Variants in CXCL9 observed in about 807,000 individuals in gnomAD.
The protein encoded by CXCL9 is C-X-C motif chemokine ligand 9.
In CXCL9, 8 loss-of-function variants were observed where a neutral mutation model predicts 11.7. The ratio of observed to expected loss-of-function variants is 0.68; its 90% CI spans 0.40 to 1.23. The LOEUF (loss-of-function observed/expected upper bound fraction) is 1.23, where lower values mean the gene tolerates loss of function less well. CXCL9 is among the 50% of genes most tolerant of loss of function. The probability of loss-of-function intolerance (pLI) is 0.01; values close to 1 mark genes in which losing one functional copy is unlikely to be tolerated. For missense variants in CXCL9, 133 were observed against 141.7 expected (o/e 0.94, Z 0.31); for synonymous variants, 43 against 48.2 (o/e 0.89, Z 0.45).
chr4:76,006,065 C>A, intron 2 of CXCL9, 83 bp downstream of exon 2: 1 of 1,297,314 alleles, frequency 7.7e-7, no homozygotes, highest in Non-Finnish European at 1.1e-6. Context: ...TTTGTATGGG[C>A]AAGCACTCCA....
chr4:76,007,375 G>A lies in CXCL9; in HGVS notation c.64+11C>T, dbSNP rs758033522. On this transcript the variant is annotated intron_variant, in intron 1 of 3. Coordinates refer to ENST00000264888, the MANE Select transcript of CXCL9 (RefSeq NM_002416.3). The stretch of plus-strand genomic sequence containing the variant: ...TTCTCTTACTTTACAACCTAACTCA[G>A]AACCCCTTACCTTGCACTCCAATCA... 3.5e-5 allele frequency: 52 copies of A among 1,506,000 alleles called. No individual in the cohort carries two copies. Among genetic ancestry groups the A allele is most frequent in the Admixed American group, 6.7e-5 (4 of 59,856 alleles). 93.3% of individuals were successfully genotyped at this position (1,506,000 alleles called of 1,614,324 possible).
In CXCL9 at chr4:76,003,652, CTTT is replaced by C. The variant is rs770761582; in HGVS notation, c.321_323del (p.Lys109del). 7.4e-6 allele frequency: 12 copies of C among 1,612,654 alleles called. No homozygotes were observed. The highest frequency in any genetic ancestry group is 9.3e-6 in the Non-Finnish European group (11 of 1,179,436). On this transcript the variant is annotated inframe_deletion, in exon 4 of 4. Coordinates refer to ENST00000264888, the MANE Select transcript of CXCL9 (RefSeq NM_002416.3). ...GAGATTTTCGAACTTTCAGAACTTT[CTTT>C]TTTTGATGTTTTTTCCCATTCTTTT...
Position 76,002,543 on chromosome 4 carries a change from A to T in CXCL9, c.*1055T>A, listed in dbSNP as rs1172439030. On this transcript the variant is annotated 3_prime_UTR_variant, in exon 4 of 4. Transcript: ENST00000264888. ...TGCCCATAACAACATCAATTAAAAA[A>T]TTATTAAAACCTAGTTCCACAGTAT... The T allele has an allele frequency of 1.0e-5, 4 of 393,910 alleles. No individual in the cohort carries two copies. The highest frequency in any genetic ancestry group is 1.8e-5 in the Non-Finnish European group (4 of 223,750). The allele number at this position is 393,910 out of a possible 1,614,324, so 24.4% of individuals were successfully genotyped here. A position where few individuals can be genotyped will look rare whatever the true frequency, so the allele number is the denominator to read the frequency against.
chr4:76,007,048 G>C (rs1731599773), intron 1 of CXCL9, among the ~76,000 whole-genome samples: 1 of 152,080 alleles, frequency 6.6e-6, no homozygotes, highest in Non-Finnish European at 1.5e-5. Flanking sequence ...ATTATTGGTT[G>C]GATCCTTAAT....
chr4:76,001,863 G>C lies in CXCL9; in HGVS notation c.*1735C>G, dbSNP rs190434490. 49 of 169,354 alleles carry C rather than the reference G, an allele frequency of 2.9e-4. No homozygotes were observed. In the East Asian group the frequency reaches 7.4e-3, roughly 26 times the overall value. 10.5% of individuals were successfully genotyped at this position (169,354 alleles called of 1,614,324 possible). On this transcript the variant is annotated 3_prime_UTR_variant, in exon 4 of 4. Coordinates refer to ENST00000264888, the MANE Select transcript of CXCL9 (RefSeq NM_002416.3). ...GATTCAATTTGGGAAAGTGAGTATA[G>C]GTTTAAATTCTGGCCACAGACAACC...
In CXCL9 at chr4:76,007,013, AAATAG is replaced by A. The variant is rs374973802; in HGVS notation, c.64+368_64+372del. Among the ~76,000 whole-genome samples the A allele has an allele frequency of 3.9e-5, 6 of 152,350 alleles. No individual in the cohort carries two copies. The East Asian group carries it at 1.2e-3, about 29-fold the overall frequency. ...GTCCAAGGTAACAAAGATAGTTAGTAAATAGATTAGGGACAAATTCTCTGATTATT... is the reference window on the plus strand; with the variant it reads ...GTCCAAGGTAACAAAGATAGTTAGTAATTAGGGACAAATTCTCTGATTATT... On this transcript the variant is annotated intron_variant, in intron 1 of 3. Coordinates refer to ENST00000264888, the MANE Select transcript of CXCL9 (RefSeq NM_002416.3).
At chr4:76,003,815 A>G in intron 3 of CXCL9, 116 bp from the exon 4 acceptor site, 2 of 650,808 alleles carry the variant, frequency 3.1e-6, no homozygotes, top group Non-Finnish European at 5.4e-6. Flanking sequence ...ACCACATTAA[A>G]GTCACTTCAC....
chr4:76,006,922 G>A (rs184824889), intron 1 of CXCL9, among the ~76,000 whole-genome samples: 1 of 152,154 alleles, frequency 6.6e-6, no homozygotes. Context: ...GTCAGAAAAG[G>A]TATAACTACA....
rs1371999085 is a variant in CXCL9 at position 76,003,478 on chromosome 4, T to G, written c.*120A>C. 1 of 589,478 alleles carries G rather than the reference T, an allele frequency of 1.7e-6. No homozygotes were observed. Among genetic ancestry groups the G allele is most frequent in the Non-Finnish European group, 3.0e-6 (1 of 337,892 alleles). The allele number at this position is 589,478 out of a possible 1,614,324, so 36.5% of individuals were successfully genotyped here. The stretch of plus-strand genomic sequence containing the variant: ...TTAGTTACAATTTCAGAGTAATGTT[T>G]TAAATTTTCTAGTCAAATTAATAAG... On this transcript the variant is annotated 3_prime_UTR_variant, in exon 4 of 4. Transcript: ENST00000264888.
intron 3 of CXCL9, 38 bp downstream of exon 3, chr4:76,004,771 C>A: frequency 6.3e-7 from 1 of 1,581,848 alleles, no homozygotes; most frequent in South Asian, 1.2e-5. Flanking sequence ...AAGTTAATTT[C>A]TAAAAGAAAG....
In CXCL9 at chr4:76,006,327, A is replaced by G. The variant is rs941031973; in HGVS notation, c.65-53T>C. ...TCAGTATAGGCCAATGTTTCAGTTTAGGTGATCTATCAAAATGATACACTT... is the reference window on the plus strand; with the variant it reads ...TCAGTATAGGCCAATGTTTCAGTTTGGGTGATCTATCAAAATGATACACTT... On this transcript the variant is annotated intron_variant, in intron 1 of 3. Coordinates refer to ENST00000264888, the MANE Select transcript of CXCL9 (RefSeq NM_002416.3). 94 of 1,552,562 alleles carry G rather than the reference A, an allele frequency of 6.1e-5. 1 individual carries two copies. In the Middle Eastern group the frequency reaches 1.7e-3, roughly 28 times the overall value.
chr4:76,004,341 T>A (rs1161682718), intron 3 of CXCL9, among the ~76,000 whole-genome samples: 1 of 152,156 alleles, frequency 6.6e-6, no homozygotes, highest in East Asian at 1.9e-4. Context: ...AAGACCCAAA[T>A]CAAATATCAC....
rs1360779757 is a variant in CXCL9, at chr4:76,003,675, T to G, written c.301A>C (p.Asn101His). 1 of 1,610,926 alleles carries G rather than the reference T, an allele frequency of 6.2e-7. No individual in the cohort carries two copies. The highest frequency in any genetic ancestry group is 2.2e-5 in the East Asian group (1 of 44,848). Residue 101 changes from asparagine to histidine, a missense_variant, in exon 4 of 4, where the codon AAT (asparagine) becomes CAT (histidine). By Grantham distance (68) the Asn-to-His change is moderately conservative (BLOSUM62 1). Coordinates refer to ENST00000264888, the MANE Select transcript of CXCL9 (RefSeq NM_002416.3). ...TTCTTTTTTTGATGTTTTTTCCCAT[T>G]CTTTTGCTTTTTCTTTTGGCTGACC... ...KQVSQKKKQK[N>H]GKKHQKKKVL...
chr4:76,005,079 G>A (rs1731559901), intron 2 of CXCL9, 186 bp from the exon 3 acceptor site: 9 of 954,572 alleles, frequency 9.4e-6, no homozygotes, highest in Non-Finnish European at 6.8e-6. Context: ...ACAGAATTTC[G>A]CTCTGTTGCC....
Position 76,002,299 on chromosome 4 carries a change from A to G in CXCL9, c.*1299T>C, listed in dbSNP as rs966413089. On this transcript the variant is annotated 3_prime_UTR_variant, in exon 4 of 4. Coordinates refer to ENST00000264888, the MANE Select transcript of CXCL9 (RefSeq NM_002416.3). Reference sequence around the variant, plus strand: ...TCGGTAAACTGTATATTTTTTAAAAACAGTCCAGAATATCCGCAAGTGTTT... The same window carrying G: ...TCGGTAAACTGTATATTTTTTAAAAGCAGTCCAGAATATCCGCAAGTGTTT... The G allele has an allele frequency of 2.3e-5, 9 of 398,412 alleles. No individual in the cohort carries two copies. The highest frequency in any genetic ancestry group is 1.4e-4 in the African/African-American group (7 of 48,620). 24.7% of individuals were successfully genotyped at this position (398,412 alleles called of 1,614,324 possible).
intron 1 of CXCL9, among the ~76,000 whole-genome samples, chr4:76,006,620 A>G (rs893063394): frequency 6.6e-6 from 1 of 152,194 alleles, no homozygotes; most frequent in Non-Finnish European, 1.5e-5. Context: ...ATCACAAGAC[A>G]AACAGATAAC....
At chr4:76,004,497 C>A (rs1372114941) in intron 3 of CXCL9, among the ~76,000 whole-genome samples, 1 of 152,154 alleles carries the variant, frequency 6.6e-6, no homozygotes, top group Non-Finnish European at 1.5e-5. Flanking sequence ...TGCACTACAA[C>A]AGGAAGGGAC....
intron 3 of CXCL9, among the ~76,000 whole-genome samples, chr4:76,004,152 T>C (rs1292058640): frequency 6.6e-6 from 1 of 152,160 alleles, no homozygotes; most frequent in Non-Finnish European, 1.5e-5. Flanking sequence ...AACTCCTTAG[T>C]ATGCCATGCA....
chr4:76,006,277 G>GAGGGA lies in CXCL9; in HGVS notation c.65-8_65-4dup. 1.2e-6 allele frequency: 2 copies of GAGGGA among 1,612,806 alleles called. No individual in the cohort carries two copies. The highest frequency in any genetic ancestry group is 1.7e-6 in the Non-Finnish European group (2 of 1,179,184). ...ACCCTTTCTCACTACTGGGGTTCCT[G>GAGGGA]AGGGAAAGAAAAAGATAGAACACAT... On this transcript the variant is annotated splice_region_variant and splice_polypyrimidine_tract_variant and intron_variant, in intron 1 of 3. Transcript: ENST00000264888.
Sources: allele counts gnomAD v4.1 joint callset (sites outside exome capture counted in the v4.1 genomes callset), GRCh38; gene constraint gnomAD v4.1.1; transcripts MANE v1.5; gene names NCBI Gene and HGNC (gene_info 2026-07-23, HGNC 2026-07-21).